The following RNF146 variants were observed in gnomAD, a reference collection of about 807,000 sequenced individuals.
RNF146 encodes the protein ring finger protein 146, also known as E3 ubiquitin-protein ligase RNF146.
Under a neutral mutation model 29.7 loss-of-function variants are expected in RNF146, and 11 were observed. That is an observed-to-expected ratio of 0.37 (90% CI 0.23 to 0.61). The LOEUF is 0.61. Ranked by LOEUF, RNF146 falls within the 20% of genes least tolerant of loss-of-function variation. The pLI is 0.66. For synonymous variants in RNF146, 150 were observed against 159.7 expected (o/e 0.94, Z 0.46); for missense variants, 342 against 438.9 (o/e 0.78, Z 1.97).
At chr6:127,285,529 C>CTTTTT (rs10669927) in intron 2 of RNF146, among the ~76,000 whole-genome samples, 20,430 of 129,742 alleles carry the variant, frequency 0.16, 1,943 homozygotes, top group Non-Finnish European at 0.18. Context: ...TTTAAAATGT[C>CTTTTT]TTTTTTTTTT....
Position 127,286,492 on chromosome 6 carries a change from C to T in RNF146, c.3-124C>T. The T allele has an allele frequency of 2.2e-6, 2 of 929,314 alleles. No individual in the cohort carries two copies. The highest frequency in any genetic ancestry group is 3.7e-5 in the South Asian group (2 of 53,988). 57.6% of individuals were successfully genotyped at this position (929,314 alleles called of 1,614,324 possible). The stretch of plus-strand genomic sequence containing the variant: ...TTCCTCTACTTTCATCTTCATATCC[C>T]CATTGTCTAGTATGTGGCTTGCATA... On this transcript the variant is annotated intron_variant, in intron 2 of 2. Coordinates refer to ENST00000368314, the MANE Select transcript of RNF146 (RefSeq NM_001242850.2). The surrounding 1 kb of genome is among the most constrained non-coding windows in gnomAD (Gnocchi z 4.6).
At chr6:127,284,550 G>A (rs1186888822) in intron 2 of RNF146, among the ~76,000 whole-genome samples, 1 of 151,794 alleles carries the variant, frequency 6.6e-6, no homozygotes, top group Admixed American at 6.6e-5. Flanking sequence ...GACCTAAATC[G>A]AAAGGGATGA....
intron 2 of RNF146, among the ~76,000 whole-genome samples, chr6:127,282,661 A>G (rs1356993807): frequency 1.3e-5 from 2 of 151,644 alleles, no homozygotes; most frequent in East Asian, 3.9e-4. Context: ...TACTTGCATT[A>G]CTACCTGGAT....
chr6:127,276,380 G>T (rs1465653660), intron 1 of RNF146, among the ~76,000 whole-genome samples: 1 of 151,936 alleles, frequency 6.6e-6, no homozygotes, highest in Non-Finnish European at 1.5e-5. Context: ...TGGGGTGGGG[G>T]AGCAGGGGGC....
At chr6:127,274,175 T>C (rs143676196) in intron 1 of RNF146, among the ~76,000 whole-genome samples, 2,454 of 152,264 alleles carry the variant, frequency 0.016, 44 homozygotes, top group Middle Eastern at 0.055. Context: ...TAACCAGATT[T>C]TTTTTTAGTA....
chr6:127,273,576 A>T (rs1777783932), intron 1 of RNF146, among the ~76,000 whole-genome samples: 1 of 151,926 alleles, frequency 6.6e-6, no homozygotes, highest in African/African-American at 2.4e-5. Context: ...AATTTCCAAC[A>T]TATTTATTGA....
In RNF146 at chr6:127,286,219, G is replaced by A; in HGVS notation, c.3-397G>A. The A allele has an allele frequency of 8.2e-7, 1 of 1,224,456 alleles. No individual in the cohort carries two copies. Among genetic ancestry groups the A allele is most frequent in the Non-Finnish European group, 1.0e-6 (1 of 980,378 alleles). 75.8% of individuals were successfully genotyped at this position (1,224,456 alleles called of 1,614,324 possible). On this transcript the variant is annotated intron_variant, in intron 2 of 2. Coordinates refer to ENST00000368314, the MANE Select transcript of RNF146 (RefSeq NM_001242850.2). The surrounding 1 kb of genome is among the most constrained non-coding windows in gnomAD (Gnocchi z 4.6). Reference sequence around the variant, plus strand: ...TAATGGTTTAACTGAGTGCCTAAGAGCACATAATTAATAAAGGACTCTAAA... The same window carrying A: ...TAATGGTTTAACTGAGTGCCTAAGAACACATAATTAATAAAGGACTCTAAA...
rs537793145 is a variant in RNF146 at position 127,288,156 on chromosome 6, T to C, written c.*463T>C. The C allele has an allele frequency of 1.2e-5, 2 of 166,892 alleles. No homozygotes were observed. Among genetic ancestry groups the C allele is most frequent in the East Asian group, 1.9e-4 (1 of 5,168 alleles). The allele number at this position is 166,892 out of a possible 1,614,324, so 10.3% of individuals were successfully genotyped here. On this transcript the variant is annotated 3_prime_UTR_variant, in exon 3 of 3. Coordinates refer to ENST00000368314, the MANE Select transcript of RNF146 (RefSeq NM_001242850.2). ...TAGATGTGAATTTGGGATTTCAAAATAGATGAATAACAACTATTTTATAGT... is the reference window on the plus strand; with the variant it reads ...TAGATGTGAATTTGGGATTTCAAAACAGATGAATAACAACTATTTTATAGT...
rs1455662867 is a variant in RNF146 at position 127,270,594 on chromosome 6, A to ATTAC, written c.-109+3669_-109+3670insTTAC. On this transcript the variant is annotated intron_variant, in intron 1 of 2. Coordinates refer to ENST00000368314, the MANE Select transcript of RNF146 (RefSeq NM_001242850.2). ...GAGGGCTTCTTCACATGATTGTTAT[A>ATTAC]AGTATTACATGTATGCCCTATTTTG... Among the ~76,000 whole-genome samples, 29 of 152,310 alleles carry ATTAC rather than the reference A, an allele frequency of 1.9e-4. No individual in the cohort carries two copies. In the East Asian group the frequency reaches 5.6e-3, roughly 29 times the overall value.
In RNF146 at chr6:127,287,505, G is replaced by A. The variant is rs1294804260; in HGVS notation, c.892G>A (p.Asp298Asn). ...ATCAGATGCCAGTAGTGATAGTGAG[G>A]ATGTATCTGCAGTTGTTGCACAGCA... The part of the protein sequence containing the change: ...TESDASSDSE[D>N]VSAVVAQHSL... The change falls in exon 3 of 3, where the codon GAT becomes AAT. Residue 298 changes from aspartate (D) to asparagine (N), a missense_variant. Physicochemically the swap from Asp to Asn is conservative, Grantham distance 23. Around this residue, in one of 6 missense-constraint regions of RNF146, gnomAD observed 196 missense variants for 208.9 expected, o/e 0.94. Coordinates refer to ENST00000368314, the MANE Select transcript of RNF146 (RefSeq NM_001242850.2). 2 of 1,613,260 alleles carry A rather than the reference G, an allele frequency of 1.2e-6. No individual in the cohort carries two copies. Among genetic ancestry groups the A allele is most frequent in the African/African-American group, 1.3e-5 (1 of 74,934 alleles).
intron 2 of RNF146, chr6:127,280,566 A>G: frequency 8.2e-7 from 1 of 1,218,234 alleles, no homozygotes. Context: ...AACTGAAGAC[A>G]CAGGAGTTTG....
intron 1 of RNF146, among the ~76,000 whole-genome samples, chr6:127,277,765 C>T (rs889978337): frequency 2.0e-5 from 3 of 152,044 alleles, no homozygotes; most frequent in Non-Finnish European, 4.4e-5. Flanking sequence ...TTGCCCAGCC[C>T]ACTGACTCAA....
chr6:127,285,593 A>AC (rs1280778497), intron 2 of RNF146, among the ~76,000 whole-genome samples: 1 of 149,052 alleles, frequency 6.7e-6, no homozygotes, highest in Non-Finnish European at 1.5e-5. Context: ...GCACAATAAC[A>AC]CAATAAGGCT....
chr6:127,286,695 A>G lies in RNF146; in HGVS notation c.82A>G (p.Thr28Ala), dbSNP rs370925688. 2 of 1,613,234 alleles carry G rather than the reference A, an allele frequency of 1.2e-6. No individual in the cohort carries two copies. Among genetic ancestry groups the G allele is most frequent in the African/African-American group, 2.7e-5 (2 of 74,810 alleles). ...GAAAGCGAACGAGTCCTGTTCTAAT[A>G]CTGCACCTTCTTTAACCGTCCCTGA... ...NRKANESCSN[T>A]APSLTVPECA... Residue 28 changes from threonine (T) to alanine (A), a missense_variant, in exon 3 of 3, where the codon ACT becomes GCT. By Grantham distance (58) the Thr-to-Ala change is moderately conservative (BLOSUM62 0). Around this residue, in one of 6 missense-constraint regions of RNF146, gnomAD observed 39 missense variants for 43.1 expected, o/e 0.90. Coordinates refer to ENST00000368314, the MANE Select transcript of RNF146 (RefSeq NM_001242850.2). This position sits in a 1 kb window ranked among gnomAD's most constrained non-coding sequence, Gnocchi z 4.6.
rs753880266 is a variant in RNF146, at chr6:127,287,216, G to A, written c.603G>A (p.Ala201=). Reference sequence around the variant, plus strand: ...CAAGAGAGAGCTCTGCTGACGGAGCGGACAGTGTATCAGCACAGAGTGGAG... The same window carrying A: ...CAAGAGAGAGCTCTGCTGACGGAGCAGACAGTGTATCAGCACAGAGTGGAG... ...NLARESSADG[A]DSVSAQSGAS... The change falls in exon 3 of 3, where the codon GCG becomes GCA. Residue 201 remains alanine (A), a synonymous_variant. Coordinates refer to ENST00000368314, the MANE Select transcript of RNF146 (RefSeq NM_001242850.2). 1.2e-5 allele frequency: 19 copies of A among 1,613,224 alleles called. No individual in the cohort carries two copies. The highest frequency in any genetic ancestry group is 3.3e-4 in the Middle Eastern group (2 of 6,074).
intron 1 of RNF146, among the ~76,000 whole-genome samples, chr6:127,270,514 C>T (rs1334590439): frequency 6.6e-6 from 1 of 152,100 alleles, no homozygotes; most frequent in African/African-American, 2.4e-5. Context: ...ATAAAAGCAT[C>T]CCTTCTCCTC....
At chr6:127,285,588 A>G (rs907566242) in intron 2 of RNF146, among the ~76,000 whole-genome samples, 1 of 148,146 alleles carries the variant, frequency 6.8e-6, no homozygotes, top group African/African-American at 2.5e-5. Context: ...GCAGGGCACA[A>G]TAACACAATA....
intron 1 of RNF146, among the ~76,000 whole-genome samples, chr6:127,268,792 A>G (rs1420294016): frequency 1.3e-5 from 2 of 152,230 alleles, no homozygotes; most frequent in Admixed American, 6.5e-5. Flanking sequence ...GGAGATGTCA[A>G]CTTACAAAGT....
intron 2 of RNF146, among the ~76,000 whole-genome samples, chr6:127,282,055 G>T (rs1253418947): frequency 6.6e-6 from 1 of 151,660 alleles, no homozygotes; most frequent in Non-Finnish European, 1.5e-5. Flanking sequence ...AAGTTTACTG[G>T]GATTGATGGT....
Sources: gnomAD v4.1 joint callset for allele counts (sites outside exome capture counted in the v4.1 genomes callset) on GRCh38, gnomAD v4.1.1 for gene constraint, gnomAD v4.1.1 regional missense constraint, Gnocchi (gnomAD v3.1) non-coding constraint, MANE v1.5 for transcripts, NCBI Gene and HGNC (gene_info 2026-07-23, HGNC 2026-07-21) for gene names.